ERH: variants seen among roughly 807,000 people sequenced by gnomAD.
ERH encodes the protein enhancer of rudimentary homolog.
A neutral mutation model predicts 16.8 loss-of-function variants in ERH; 1 was observed. The ratio of observed to expected loss-of-function variants is 0.06; its 90% CI spans 0.02 to 0.28. ERH has a LOEUF of 0.28. ERH is among the 10% of genes least tolerant of loss of function. The pLI, the probability that ERH is intolerant of heterozygous loss-of-function variation, is 1.00. For synonymous variants in ERH, 43 were observed against 43.6 expected (o/e 0.99, Z 0.05); for missense variants, 42 against 127.5 (o/e 0.33, Z 3.23).
At chr14:69,387,787 G>A (rs1191265902) in intron 2 of ERH, among the ~76,000 whole-genome samples, 2 of 151,956 alleles carry the variant, frequency 1.3e-5, no homozygotes, top group African/African-American at 4.8e-5. Context: ...GCTCACGCCT[G>A]TAATCCCAGC....
At chr14:69,383,616 GAAAC>G (rs949000982) in intron 3 of ERH, among the ~76,000 whole-genome samples, 1 of 152,120 alleles carries the variant, frequency 6.6e-6, no homozygotes, top group Non-Finnish European at 1.5e-5. Flanking sequence ...TTCAACATTA[GAAAC>G]AAACAAATAG....
At chr14:69,396,404 G>C (rs1265678083) in intron 1 of ERH, among the ~76,000 whole-genome samples, 1 of 152,208 alleles carries the variant, frequency 6.6e-6, no homozygotes, top group Non-Finnish European at 1.5e-5. Context: ...TGGGATTACA[G>C]GCATGCACCA....
intron 3 of ERH, 32 bp from the exon 4 acceptor site, chr14:69,380,672 A>G: frequency 1.5e-6 from 2 of 1,305,506 alleles, no homozygotes; most frequent in Non-Finnish European, 2.2e-6. Flanking sequence ...GCAAAGTCAC[A>G]GTGGTCAATC....
At chr14:69,386,531 C>T (rs1191152042) in intron 3 of ERH, 1 of 152,984 alleles carries the variant, frequency 6.5e-6, no homozygotes, top group Non-Finnish European at 1.5e-5. Flanking sequence ...CTCACTCTAA[C>T]ATACCAAAAT....
At chr14:69,387,190 A>G (rs1023025002) in intron 2 of ERH, 107 bp from the exon 3 acceptor site, 11 of 858,180 alleles carry the variant, frequency 1.3e-5, no homozygotes, top group Non-Finnish European at 1.9e-5. Flanking sequence ...TTACTTTAAT[A>G]AAGTTGGGCT....
At chr14:69,387,267 A>G (rs1594887363) in intron 2 of ERH, among the ~76,000 whole-genome samples, 184 bp from the exon 3 acceptor site, 1 of 152,224 alleles carries the variant, frequency 6.6e-6, no homozygotes, top group East Asian at 1.9e-4. Flanking sequence ...TATTTTATAA[A>G]TTCACCAGGT....
At chr14:69,389,122 G>C (rs2045909337) in intron 2 of ERH, among the ~76,000 whole-genome samples, 1 of 152,048 alleles carries the variant, frequency 6.6e-6, no homozygotes, top group Admixed American at 6.6e-5. Flanking sequence ...CCGGATTCAA[G>C]CGATTCTCTT....
At chr14:69,390,369 A>G (rs2045917427) in intron 2 of ERH, among the ~76,000 whole-genome samples, 1 of 152,238 alleles carries the variant, frequency 6.6e-6, no homozygotes, top group South Asian at 2.1e-4. Context: ...AGGTATCTAC[A>G]TCAATGGAAC....
chr14:69,394,802 C>T (rs1388917448), intron 2 of ERH, 23 bp downstream of exon 2: 1 of 1,563,240 alleles, frequency 6.4e-7, no homozygotes, highest in Non-Finnish European at 8.7e-7. Flanking sequence ...ATTTTTCTAC[C>T]CCTTGATTAG....
chr14:69,384,136 C>A lies in ERH; in HGVS notation c.212+2827G>T, dbSNP rs74900016. ...AAAACCTCAACACCTTTTAAATCTC[C>A]CTTGAAATTTATAATTTATCTCACA... is the stretch of plus-strand genomic sequence containing the variant. On this transcript the variant is annotated intron_variant, in intron 3 of 3. Coordinates refer to ENST00000557016, the MANE Select transcript of ERH (RefSeq NM_004450.3). 3.1e-3 allele frequency among the ~76,000 whole-genome samples: 476 copies of A among 152,274 alleles called. 4 individuals carry two copies. The highest frequency in any genetic ancestry group is 0.011 in the African/African-American group (462 of 41,540).
intron 1 of ERH, 105 bp downstream of exon 1, chr14:69,398,126 C>T: frequency 7.6e-7 from 1 of 1,314,042 alleles, no homozygotes; most frequent in Non-Finnish European, 1.1e-6. Context: ...CGGGGAGCAT[C>T]ACGCGGCGCT....
At chr14:69,387,671 G>A (rs2045900092) in intron 2 of ERH, among the ~76,000 whole-genome samples, 1 of 126,208 alleles carries the variant, frequency 7.9e-6, no homozygotes, top group Non-Finnish European at 1.6e-5. Context: ...AGGTTTTTCA[G>A]TAATTCTTCC....
At chr14:69,393,712 G>C (rs551984217) in intron 2 of ERH, among the ~76,000 whole-genome samples, 1 of 152,304 alleles carries the variant, frequency 6.6e-6, no homozygotes, top group African/African-American at 2.4e-5. Context: ...ATGTACACCA[G>C]GTGATGGCTA....
chr14:69,387,203 G>A (rs550660396), intron 2 of ERH, 120 bp from the exon 3 acceptor site: 84 of 738,866 alleles, frequency 1.1e-4, no homozygotes, highest in Middle Eastern at 5.4e-4. Context: ...GTTGGGCTGG[G>A]GAAAAGATGA....
intron 3 of ERH, among the ~76,000 whole-genome samples, chr14:69,382,806 A>AG (rs1380626717): frequency 4.6e-5 from 7 of 152,024 alleles, no homozygotes; most frequent in African/African-American, 1.7e-4. Flanking sequence ...AAAAAAAAAA[A>AG]AAAGCAATAA....
intron 3 of ERH, among the ~76,000 whole-genome samples, chr14:69,385,659 A>G (rs1237456994): frequency 2.0e-5 from 3 of 151,906 alleles, no homozygotes; most frequent in Admixed American, 6.6e-5. Flanking sequence ...AGGAAAAAAA[A>G]AAAAAAAGCA....
At chr14:69,395,486 C>G (rs973678469) in intron 1 of ERH, among the ~76,000 whole-genome samples, 2 of 152,150 alleles carry the variant, frequency 1.3e-5, no homozygotes, top group Non-Finnish European at 2.9e-5. Context: ...ATCTTTTCTT[C>G]CCAACTAAAT....
chr14:69,397,204 T>C (rs985362023), intron 1 of ERH, among the ~76,000 whole-genome samples: 4 of 152,072 alleles, frequency 2.6e-5, no homozygotes, highest in Non-Finnish European at 5.9e-5. Context: ...GGTCAAGTGG[T>C]TATCATTTTT....
At chr14:69,394,319 G>A (rs1882285463) in intron 2 of ERH, among the ~76,000 whole-genome samples, 1 of 151,862 alleles carries the variant, frequency 6.6e-6, no homozygotes, top group Non-Finnish European at 1.5e-5. Flanking sequence ...CTTGTAGCAA[G>A]GAGGATACTA....
Sources: allele counts gnomAD v4.1 joint callset (sites outside exome capture counted in the v4.1 genomes callset), GRCh38; gene constraint gnomAD v4.1.1; transcripts MANE v1.5; gene names NCBI Gene and HGNC (gene_info 2026-07-23, HGNC 2026-07-21).